Variants in PARD3B observed in about 807,000 individuals in gnomAD.
The protein encoded by PARD3B is partitioning defective 3 homolog B.
PARD3B carries 103 observed loss-of-function variants against 130.2 expected under a neutral mutation model. The observed-to-expected ratio is 0.79, with a 90% CI of 0.67 to 0.93. The LOEUF (loss-of-function observed/expected upper bound fraction) is 0.93, where lower values mean the gene tolerates loss of function less well. Ranked by LOEUF, PARD3B falls within the 40% of genes least tolerant of loss-of-function variation. PARD3B has a pLI of 0.00. For synonymous variants in PARD3B, 583 were observed against 553.2 expected, an observed-to-expected ratio of 1.05 and a Z score of -0.76; for missense variants, 1,609 against 1,499.2, an observed-to-expected ratio of 1.07 and a Z score of -1.21.
chr2:204,571,633 A>G (rs2032011436), intron 1 of PARD3B, among the ~76,000 whole-genome samples: 1 of 152,108 alleles, frequency 6.6e-6, no homozygotes, highest in African/African-American at 2.4e-5. Flanking sequence ...TCGTCTCCCT[A>G]ATTAGATTGT....
chr2:205,399,738 A>AT (rs1418355528), intron 18 of PARD3B, among the ~76,000 whole-genome samples: 28 of 152,302 alleles, frequency 1.8e-4, no homozygotes, highest in Middle Eastern at 6.8e-3. Context: ...AAAGCATCAT[A>AT]ACTGCCACTG....
chr2:204,681,334 G>T (rs1384651629), intron 1 of PARD3B, among the ~76,000 whole-genome samples: 1 of 152,074 alleles, frequency 6.6e-6, no homozygotes, highest in East Asian at 1.9e-4. Flanking sequence ...GTAATTAAAG[G>T]TTTATAATTC....
At chr2:204,749,003 C>T (rs186381158) in intron 2 of PARD3B, among the ~76,000 whole-genome samples, 25 of 152,082 alleles carry the variant, frequency 1.6e-4, no homozygotes, top group African/African-American at 5.5e-4. Context: ...ACCCCCTTTT[C>T]GTTAATATCA....
rs79674265 is a variant in PARD3B at position 204,975,352 on chromosome 2, C to T, written c.394+10029C>T. ...AAAATAACTAAGGTCTCAAGTCTCT[C>T]CATGACTACCAACAATGTCCGCTAC... On this transcript the variant is annotated intron_variant, in intron 3 of 22. Transcript: ENST00000406610. Among the ~76,000 whole-genome samples the T allele has an allele frequency of 9.5e-3, 1,447 of 152,290 alleles. 18 individuals carry two copies. Among genetic ancestry groups the T allele is most frequent in the African/African-American group, 0.031 (1,283 of 41,542 alleles).
chr2:205,217,844 A>ATGTGTGTG (rs747500423), intron 15 of PARD3B, among the ~76,000 whole-genome samples: 4 of 88,690 alleles, frequency 4.5e-5, no homozygotes, highest in Non-Finnish European at 8.1e-5. Context: ...ATGTGTGTAT[A>ATGTGTGTG]TGTGTGTGTG....
chr2:204,789,866 TTTC>T (rs142238014), intron 2 of PARD3B, among the ~76,000 whole-genome samples: 1 of 145,732 alleles, frequency 6.9e-6, no homozygotes. Context: ...AATTTTTAGT[TTTC>T]TTCTTTTTTT....
At chr2:205,044,611 G>A (rs556107923) in intron 3 of PARD3B, among the ~76,000 whole-genome samples, 33 of 152,236 alleles carry the variant, frequency 2.2e-4, no homozygotes, top group South Asian at 1.9e-3. Flanking sequence ...CTTCTTTTGA[G>A]AAGTGTCTGT....
chr2:204,945,014 G>A (rs1689200542), intron 2 of PARD3B, among the ~76,000 whole-genome samples: 1 of 152,242 alleles, frequency 6.6e-6, no homozygotes, highest in South Asian at 2.1e-4. Flanking sequence ...TGGGGACAAT[G>A]AGGGAGATCT....
chr2:205,518,695 G>GTGTT (rs1037702752), intron 21 of PARD3B, among the ~76,000 whole-genome samples: 10 of 152,140 alleles, frequency 6.6e-5, no homozygotes, highest in African/African-American at 2.2e-4. Context: ...ATGTTTAAGT[G>GTGTT]TGTTTTTGTG....
intron 16 of PARD3B, among the ~76,000 whole-genome samples, chr2:205,259,415 C>A (rs1204627579): frequency 1.3e-5 from 2 of 152,142 alleles, no homozygotes; most frequent in African/African-American, 4.8e-5. Flanking sequence ...ATGGCTTCTG[C>A]TCTGAAAAGT....
At chr2:204,991,660 C>G (rs1353118999) in intron 3 of PARD3B, among the ~76,000 whole-genome samples, 1 of 149,722 alleles carries the variant, frequency 6.7e-6, no homozygotes, top group African/African-American at 2.4e-5. Context: ...ACACCGACTT[C>G]CACAATGGTT....
chr2:205,337,435 T>C (rs2043354146), intron 18 of PARD3B, among the ~76,000 whole-genome samples: 1 of 152,210 alleles, frequency 6.6e-6, no homozygotes, highest in African/African-American at 2.4e-5. Flanking sequence ...GGAAAGCACA[T>C]GCACTGGAAA....
chr2:205,084,940 T>C (rs1049353869), intron 4 of PARD3B, among the ~76,000 whole-genome samples: 1 of 152,058 alleles, frequency 6.6e-6, no homozygotes, highest in Non-Finnish European at 1.5e-5. Context: ...AAAACATTAT[T>C]AGATGCCACT....
rs566638716 is a variant in PARD3B, at chr2:205,386,122, G to A, written c.2631-14891G>A. On this transcript the variant is annotated intron_variant, in intron 18 of 22. Coordinates refer to ENST00000406610, the MANE Select transcript of PARD3B (RefSeq NM_001302769.2). ...CTGCGATATTACAAAGTCTGGAATCGTGTTTTGTCTTTCACCTGTGAAAAT... is the reference window on the plus strand; with the variant it reads ...CTGCGATATTACAAAGTCTGGAATCATGTTTTGTCTTTCACCTGTGAAAAT... 2.1e-4 allele frequency among the ~76,000 whole-genome samples: 32 copies of A among 152,202 alleles called. 1 individual carries two copies. The highest frequency in any genetic ancestry group is 7.2e-4 in the African/African-American group (30 of 41,538).
chr2:205,277,247 G>C (rs1348878831), intron 16 of PARD3B, among the ~76,000 whole-genome samples: 3 of 152,180 alleles, frequency 2.0e-5, no homozygotes, highest in Non-Finnish European at 4.4e-5. Flanking sequence ...TACAGAATGG[G>C]GAGTGTGCTT....
chr2:204,630,257 G>C (rs1370498387), intron 1 of PARD3B, among the ~76,000 whole-genome samples: 1 of 152,074 alleles, frequency 6.6e-6, no homozygotes, highest in Non-Finnish European at 1.5e-5. Context: ...TCAGGGCAAG[G>C]GTAGTGGGGT....
chr2:205,580,427 A>T (rs2053920365), intron 22 of PARD3B, among the ~76,000 whole-genome samples: 1 of 152,156 alleles, frequency 6.6e-6, no homozygotes, highest in African/African-American at 2.4e-5. Context: ...TGGGAATGAC[A>T]TGTGAGTGGT....
chr2:204,839,193 C>T (rs150172821), intron 2 of PARD3B, among the ~76,000 whole-genome samples: 26 of 152,224 alleles, frequency 1.7e-4, no homozygotes, highest in Middle Eastern at 3.4e-3. Flanking sequence ...ATCAGAGAAA[C>T]GGTGCTTCCT....
Position 205,332,659 on chromosome 2 carries a change from A to T in PARD3B, c.2630+30958A>T, listed in dbSNP as rs371298604. Among the ~76,000 whole-genome samples the T allele has an allele frequency of 3.9e-5, 6 of 152,270 alleles. No individual in the cohort carries two copies. The East Asian group carries it at 5.8e-4, about 15-fold the overall frequency. On this transcript the variant is annotated intron_variant, in intron 18 of 22. Transcript: ENST00000406610. ...TTGAGAGGGAGGTTGGGAAGCTAAG[A>T]GCATTCAAGACGGCTTCCCCTCTTC...
Sources: gnomAD v4.1 joint callset for allele counts (sites outside exome capture counted in the v4.1 genomes callset) on GRCh38, gnomAD v4.1.1 for gene constraint, MANE v1.5 for transcripts, NCBI Gene and HGNC (gene_info 2026-07-23, HGNC 2026-07-21) for gene names.